ANLN: variants seen among roughly 807,000 people sequenced by gnomAD.
The protein encoded by ANLN is anillin.
Under a neutral mutation model 135.1 loss-of-function variants are expected in ANLN, and 59 were observed. That is an observed-to-expected ratio of 0.44 (90% CI 0.35 to 0.54). ANLN has a LOEUF of 0.54. Among genes scored for constraint, ANLN ranks in the 20% least tolerant of loss-of-function variants. ANLN has a pLI of 0.00. For synonymous variants in ANLN, 406 were observed against 456.4 expected (o/e 0.89, Z 1.41); for missense variants, 1,182 against 1,340.0 (o/e 0.88, Z 1.84).
intron 11 of ANLN, 98 bp from the exon 12 acceptor site, chr7:36,420,499 T>C: frequency 7.9e-7 from 1 of 1,262,962 alleles, no homozygotes; most frequent in Non-Finnish European, 1.1e-6. Flanking sequence ...TCTGCTGACA[T>C]GTTCAATATC....
rs1223825300 is a variant in ANLN, at chr7:36,425,671, A to AAT, written c.2710-23_2710-22dup. 2.0e-6 allele frequency: 3 copies of AAT among 1,523,560 alleles called. No homozygotes were observed. The African/African-American group carries it at 4.1e-5, about 21-fold the overall frequency. 94.4% of individuals were successfully genotyped at this position (1,523,560 alleles called of 1,614,324 possible). The stretch of plus-strand genomic sequence containing the variant: ...TTCTGAGACATAATGTTTAATAAGA[A>AAT]ATATATATAGTAAGCTATCTTTTCT... On this transcript the variant is annotated intron_variant, in intron 17 of 23. Coordinates refer to ENST00000265748, the MANE Select transcript of ANLN (RefSeq NM_018685.5).
Position 36,426,028 on chromosome 7 carries a change from A to G in ANLN, c.2762A>G (p.His921Arg). ...LTSITTKSNI[H>R]SSVMASPGGL... ...TTTTTTTTTTAGAAAAGCAACATTC[A>G]TTCTTCAGGTGAGTGTATCTTGAAC... Residue 921 changes from histidine to arginine, a missense_variant, in exon 19 of 24, where the codon CAT becomes CGT. Coordinates refer to ENST00000265748, the MANE Select transcript of ANLN (RefSeq NM_018685.5). 1 of 1,506,684 alleles carries G rather than the reference A, an allele frequency of 6.6e-7. No individual in the cohort carries two copies. The highest frequency in any genetic ancestry group is 8.9e-7 in the Non-Finnish European group (1 of 1,127,838). 93.3% of individuals were successfully genotyped at this position (1,506,684 alleles called of 1,614,324 possible). A position where few individuals can be genotyped will look rare whatever the true frequency, so the allele number is the denominator to read the frequency against.
intron 2 of ANLN, 71 bp from the exon 3 acceptor site, chr7:36,399,008 G>C (rs1786821665): frequency 8.0e-7 from 1 of 1,248,076 alleles, no homozygotes; most frequent in African/African-American, 1.5e-5. Context: ...AATTTGTTGA[G>C]TATCTACCCT....
In ANLN at chr7:36,399,333, A is replaced by G. The variant is rs376623794; in HGVS notation, c.427A>G (p.Lys143Glu). 16 of 1,613,964 alleles carry G rather than the reference A, an allele frequency of 9.9e-6. No homozygotes were observed. Among genetic ancestry groups the G allele is most frequent in the East Asian group, 2.2e-5 (1 of 44,880 alleles). ...RLEATAASSV[K>E]TRMQKLAEQR... ...GGAAGCAACTGCAGCCTCCTCAGTT[A>G]AAACACGTATGCAAAAACTTGCAGA... Residue 143 changes from lysine to glutamate, a missense_variant, in exon 3 of 24, where the codon AAA becomes GAA. Lys to Glu is a moderately conservative substitution (Grantham distance 56). Coordinates refer to ENST00000265748, the MANE Select transcript of ANLN (RefSeq NM_018685.5).
At chr7:36,396,238 T>G (rs758237344) in intron 1 of ANLN, 28 bp from the exon 2 acceptor site, 3 of 1,540,896 alleles carry the variant, frequency 1.9e-6, no homozygotes, top group African/African-American at 2.8e-5. Context: ...AAACTTGTGT[T>G]TTAACACTGA....
rs35434005 is a variant in ANLN at position 36,444,289 on chromosome 7, C to CA, written c.3078+443dup. Among the ~76,000 whole-genome samples the CA allele has an allele frequency of 4.1e-3, 542 of 132,372 alleles. 2 individuals carry two copies. Among genetic ancestry groups the CA allele is most frequent in the Middle Eastern group, 8.0e-3 (2 of 250 alleles). 86.8% of individuals were successfully genotyped at this position (132,372 alleles called of 152,430 possible). A position where few individuals can be genotyped will look rare whatever the true frequency, so the allele number is the denominator to read the frequency against. The stretch of plus-strand genomic sequence containing the variant: ...TGAGCGACAGAGCAAGACTCCATCT[C>CA]AAAAAAAAAAAAAAAATGTTTTTGT... On this transcript the variant is annotated intron_variant, in intron 22 of 23. Transcript: ENST00000265748.
chr7:36,390,892 A>T lies in ANLN; in HGVS notation c.18+848A>T, dbSNP rs980920886. 2.6e-4 allele frequency among the ~76,000 whole-genome samples: 40 copies of T among 152,216 alleles called. 1 individual carries two copies. ...TGTCCACTCTCTTTTATTCCAGGACAGTTCCTCTTTCTTTAGGCTGTTGTG... is the reference window on the plus strand; with the variant it reads ...TGTCCACTCTCTTTTATTCCAGGACTGTTCCTCTTTCTTTAGGCTGTTGTG... On this transcript the variant is annotated intron_variant, in intron 1 of 23. Transcript: ENST00000265748.
At position 36,441,697 on chromosome 7, in the gene ANLN, G is replaced by A. The variant is rs567851850; in HGVS notation, c.2971-2058G>A. On this transcript the variant is annotated intron_variant, in intron 21 of 23. Transcript: ENST00000265748. ...CCTCAGCTATAGAAATGAAAAGGCC[G>A]TCCTTTTCTTATTCCTCTCTGATTA... 6.6e-5 allele frequency among the ~76,000 whole-genome samples: 10 copies of A among 152,296 alleles called. No individual in the cohort carries two copies. The South Asian group carries it at 1.9e-3, about 28-fold the overall frequency.
At chr7:36,447,642 G>T (rs1772743077) in intron 22 of ANLN, among the ~76,000 whole-genome samples, 1 of 151,904 alleles carries the variant, frequency 6.6e-6, no homozygotes, top group South Asian at 2.1e-4. Flanking sequence ...TAGCCAGGAT[G>T]GTCTTGATCT....
intron 20 of ANLN, among the ~76,000 whole-genome samples, chr7:36,434,370 T>C (rs896592262): frequency 6.6e-5 from 10 of 152,168 alleles, no homozygotes; most frequent in Admixed American, 1.3e-4. Flanking sequence ...AAAATTCCTG[T>C]TGGGGAGAAT....
At chr7:36,412,977 A>G (rs184737756) in intron 7 of ANLN, among the ~76,000 whole-genome samples, 1 of 151,720 alleles carries the variant, frequency 6.6e-6, no homozygotes, top group Admixed American at 6.6e-5. Flanking sequence ...TTTTTCACCC[A>G]TGTCATCCTG....
Position 36,439,269 on chromosome 7 carries a change from T to A in ANLN, c.2949T>A (p.Ser983Arg). The change falls in exon 21 of 24, where the codon AGT (serine) becomes AGA (arginine). Residue 983 changes from serine (S) to arginine (R), a missense_variant. Coordinates refer to ENST00000265748, the MANE Select transcript of ANLN (RefSeq NM_018685.5). ...AAATAAAATGTCAAGTGAATTCCAG[T>A]GTTGAAGAAAGAGGTTTTCTAGTAA... ...YLKIKCQVNS[S>R]VEERGFLTIF... 1 of 1,584,302 alleles carries A rather than the reference T, an allele frequency of 6.3e-7. No individual in the cohort carries two copies.
rs1013802659 is a variant in ANLN, at chr7:36,441,696, C to T, written c.2971-2059C>T. Among the ~76,000 whole-genome samples the T allele has an allele frequency of 2.6e-5, 4 of 152,276 alleles. No homozygotes were observed. In the South Asian group the frequency reaches 6.2e-4, roughly 24 times the overall value. On this transcript the variant is annotated intron_variant, in intron 21 of 23. Transcript: ENST00000265748. ...TCCTCAGCTATAGAAATGAAAAGGC[C>T]GTCCTTTTCTTATTCCTCTCTGATT...
chr7:36,452,668 G>C lies in ANLN; in HGVS notation c.*68G>C. Reference sequence around the variant, plus strand: ...TTAAGAAACACACTTAAGAGCATCAGATTTACTGATTGCATTTTATGCTTT... The same window carrying C: ...TTAAGAAACACACTTAAGAGCATCACATTTACTGATTGCATTTTATGCTTT... On this transcript the variant is annotated 3_prime_UTR_variant, in exon 24 of 24. Coordinates refer to ENST00000265748, the MANE Select transcript of ANLN (RefSeq NM_018685.5). 2 of 1,565,014 alleles carry C rather than the reference G, an allele frequency of 1.3e-6. No individual in the cohort carries two copies. The highest frequency in any genetic ancestry group is 1.7e-6 in the Non-Finnish European group (2 of 1,146,712).
chr7:36,415,104 A>C (rs1341137308), intron 7 of ANLN, among the ~76,000 whole-genome samples: 1 of 152,220 alleles, frequency 6.6e-6, no homozygotes, highest in Non-Finnish European at 1.5e-5. Context: ...TGCTGAAATA[A>C]TCTGTACAAC....
At chr7:36,390,397 TG>T (rs1183816052) in intron 1 of ANLN, 2 of 322,198 alleles carry the variant, frequency 6.2e-6, no homozygotes, top group Non-Finnish European at 1.2e-5. Flanking sequence ...TGGAAGCAGC[TG>T]GAATGCCCTG....
Position 36,423,362 on chromosome 7 carries a change from C to T in ANLN, c.2477-455C>T, listed in dbSNP as rs1024472838. ...AGAAATTTATTGGTAATTTAGTATGCGTCTGGAGGTACGTGGTTATTAATG... is the reference window on the plus strand; with the variant it reads ...AGAAATTTATTGGTAATTTAGTATGTGTCTGGAGGTACGTGGTTATTAATG... On this transcript the variant is annotated intron_variant, in intron 14 of 23. Coordinates refer to ENST00000265748, the MANE Select transcript of ANLN (RefSeq NM_018685.5). 4.6e-5 allele frequency among the ~76,000 whole-genome samples: 7 copies of T among 151,844 alleles called. No homozygotes were observed. The South Asian group carries it at 8.3e-4, about 18-fold the overall frequency.
intron 1 of ANLN, 103 bp downstream of exon 1, chr7:36,390,147 CGT>C: frequency 6.3e-7 from 1 of 1,587,806 alleles, no homozygotes; most frequent in South Asian, 1.1e-5. Flanking sequence ...GCGGAGGGCG[CGT>C]GTGTGCGCGC....
chr7:36,399,616 C>G (rs934196396), intron 3 of ANLN, among the ~76,000 whole-genome samples: 2 of 152,128 alleles, frequency 1.3e-5, no homozygotes, highest in Admixed American at 1.3e-4. Context: ...TCATAGAAAC[C>G]TGATCTTATA....
Sources: gnomAD v4.1 joint callset for allele counts (sites outside exome capture counted in the v4.1 genomes callset) on GRCh38, gnomAD v4.1.1 for gene constraint, MANE v1.5 for transcripts, NCBI Gene and HGNC (gene_info 2026-07-23, HGNC 2026-07-21) for gene names.